The following HDAC7 variants were observed in gnomAD, a reference collection of about 807,000 sequenced individuals.
HDAC7 encodes histone deacetylase 7.
HDAC7 carries 26 observed loss-of-function variants against 115.5 expected under a neutral mutation model. That is an observed-to-expected ratio of 0.23 (90% CI 0.16 to 0.31). The LOEUF (loss-of-function observed/expected upper bound fraction) is 0.31. Among genes scored for constraint, HDAC7 ranks in the 10% least tolerant of loss-of-function variants. HDAC7 has a pLI of 1.00. For missense variants in HDAC7, 1,068 were observed against 1,329.0 expected, an observed-to-expected ratio of 0.80 and a Z score of 3.05; for synonymous variants, 564 against 550.9, an observed-to-expected ratio of 1.02 and a Z score of -0.33.
At chr12:47,789,640 T>C in intron 17 of HDAC7, 62 bp from the exon 18 acceptor site, 1 of 1,559,802 alleles carries the variant, frequency 6.4e-7, no homozygotes, top group Non-Finnish European at 8.8e-7. Flanking sequence ...TGCATGAACG[T>C]ACCCCAAGAG....
At chr12:47,791,030 A>AG (rs200299259) in intron 16 of HDAC7, 31 of 576,714 alleles carry the variant, frequency 5.4e-5, no homozygotes, top group African/African-American at 7.7e-5. Flanking sequence ...GACACCTTCT[A>AG]GGGGAAGGCT....
chr12:47,785,695 T>G (rs1006477), intron 23 of HDAC7, 57 bp downstream of exon 23: 254,594 of 1,550,406 alleles, frequency 0.16, 22,754 homozygotes, highest in Non-Finnish European at 0.19. Flanking sequence ...TGGGTAGTCC[T>G]GAGAGCCGGG....
chr12:47,792,123 A>G lies in HDAC7; in HGVS notation c.1679-119T>C, dbSNP rs964924748. On this transcript the variant is annotated intron_variant, in intron 13 of 25. Transcript: ENST00000080059. Reference sequence around the variant, plus strand: ...CCCACATGGAGCCGGGCGGGTACACACCCCTCACACCCACACAGGCCTGCA... The same window carrying G: ...CCCACATGGAGCCGGGCGGGTACACGCCCCTCACACCCACACAGGCCTGCA... The G allele has an allele frequency of 1.5e-5, 17 of 1,130,028 alleles. No homozygotes were observed. The African/African-American group carries it at 2.5e-4, about 17-fold the overall frequency. 70.0% of individuals were successfully genotyped at this position (1,130,028 alleles called of 1,614,324 possible).
At chr12:47,786,537 C>T (rs200829141) in intron 22 of HDAC7, 48 bp downstream of exon 22, 107 of 1,381,270 alleles carry the variant, frequency 7.7e-5, no homozygotes, top group Admixed American at 2.4e-4. Context: ...CTCCCCGCAC[C>T]GCCTGGCTCT....
chr12:47,802,454 T>C, intron 1 of HDAC7, 180 bp from the exon 2 acceptor site: 1 of 1,550,940 alleles, frequency 6.4e-7, no homozygotes, highest in African/African-American at 1.4e-5. Context: ...ACTCCTCCAG[T>C]CCCCCTGCTG....
chr12:47,821,150 C>T (rs147002653), upstream of HDAC7, among the ~76,000 whole-genome samples: 169 of 152,312 alleles, frequency 1.1e-3, no homozygotes, highest in African/African-American at 3.9e-3. Flanking sequence ...CTAAGAAACC[C>T]CAAGAATCCA....
chr12:47,800,547 C>A (rs75693117), intron 2 of HDAC7, among the ~76,000 whole-genome samples: 3,334 of 152,276 alleles, frequency 0.022, 145 homozygotes, highest in African/African-American at 0.077. Flanking sequence ...GGCTTTGATG[C>A]CCCACCCCTT....
In HDAC7 at chr12:47,788,002, G is replaced by A. The variant is rs761019800; in HGVS notation, c.2355+43C>T. ...ACAGAGGCAGAGTAAGTGTCAGGAG[G>A]AGGTCAATGAGGCTGGAAGATGTGG... On this transcript the variant is annotated intron_variant, in intron 20 of 25. Transcript: ENST00000080059. 32 of 1,594,938 alleles carry A rather than the reference G, an allele frequency of 2.0e-5. No homozygotes were observed. In the Admixed American group the frequency reaches 2.4e-4, roughly 12 times the overall value.
chr12:47,791,248 G>A lies in HDAC7; in HGVS notation c.1983+11C>T. ...TGGCAACGCCCCCCTGAGACCCCTG[G>A]GCACACTTACCCCAACCCCACCACA... is the stretch of plus-strand genomic sequence containing the variant. On this transcript the variant is annotated intron_variant, in intron 16 of 25. Coordinates refer to ENST00000080059, the MANE Select transcript of HDAC7 (RefSeq NM_015401.5). 6.3e-7 allele frequency: 1 copy of A among 1,596,252 alleles called. No homozygotes were observed. The highest frequency in any genetic ancestry group is 8.5e-7 in the Non-Finnish European group (1 of 1,171,632).
chr12:47,805,259 GT>G lies in HDAC7; in HGVS notation c.20-2986del, dbSNP rs1555143199. 1.3e-3 allele frequency among the ~76,000 whole-genome samples: 185 copies of G among 147,242 alleles called. No individual in the cohort carries two copies. In the Middle Eastern group the frequency reaches 0.018, roughly 14 times the overall value. On this transcript the variant is annotated intron_variant, in intron 1 of 25. Coordinates refer to ENST00000080059, the MANE Select transcript of HDAC7 (RefSeq NM_015401.5). ...TAAATTTTTTTTGTTTTGTTTTGTT[GT>G]TTTTTTTTTTGTAGAGACGAAGTCT...
At chr12:47,810,830 C>CTCTG (rs1944625568) in intron 1 of HDAC7, among the ~76,000 whole-genome samples, 2 of 96,626 alleles carry the variant, frequency 2.1e-5, no homozygotes, top group Admixed American at 1.8e-4. Flanking sequence ...CTCTCTCTCT[C>CTCTG]TCTCTCTCTC....
chr12:47,797,385 T>A lies in HDAC7; in HGVS notation c.576A>T (p.Thr192=). ...DPPEHFPLRK[T]VSEPNLKLRY... ...GGTCCGCCTGTTTGTTCAGCTCACC[T>A]GTCTTGCGCAGAGGGAAGTGCTCTG... is the stretch of plus-strand genomic sequence containing the variant. Residue 192 remains threonine (T), a splice_region_variant and synonymous_variant, in exon 6 of 26, where the codon ACA becomes ACT. Coordinates refer to ENST00000080059, the MANE Select transcript of HDAC7 (RefSeq NM_015401.5). This position sits in a 1 kb window ranked among gnomAD's most constrained non-coding sequence, Gnocchi z 5.5. The A allele has an allele frequency of 1.2e-6, 2 of 1,606,102 alleles. No homozygotes were observed. The highest frequency in any genetic ancestry group is 1.7e-6 in the Non-Finnish European group (2 of 1,175,188).
chr12:47,791,665 C>T lies in HDAC7; in HGVS notation c.1854G>A (p.Ser618=), dbSNP rs73107974. The T allele has an allele frequency of 0.015, 24,087 of 1,613,642 alleles. 243 individuals carry two copies. Among genetic ancestry groups the T allele is most frequent in the Non-Finnish European group, 0.017 (20,425 of 1,179,906 alleles). ...GRKASLEELQ[S]VHSERHVLLY... ...GGAGCACGTGCCGCTCAGAGTGGACCGACTGCAGCTCTTCCAGGGAGGCCT... is the reference window on the plus strand; with the variant it reads ...GGAGCACGTGCCGCTCAGAGTGGACTGACTGCAGCTCTTCCAGGGAGGCCT... Residue 618 remains serine (S), a synonymous_variant, in exon 15 of 26, where the codon TCG becomes TCA. Coordinates refer to ENST00000080059, the MANE Select transcript of HDAC7 (RefSeq NM_015401.5).
intron 25 of HDAC7, 81 bp downstream of exon 25, chr12:47,783,998 A>G: frequency 6.2e-7 from 1 of 1,601,450 alleles, no homozygotes; most frequent in Non-Finnish European, 8.5e-7. Flanking sequence ...GGGTGGCTGC[A>G]TAGCGGACCC....
rs542188924 is a variant in HDAC7 at position 47,809,444 on chromosome 12, T to C, written c.20-7170A>G. ...TAAGTTACAATATCAACAATAGTTA[T>C]ATTATTTTAATTAATTAATAATATT... On this transcript the variant is annotated intron_variant, in intron 1 of 25. Transcript: ENST00000080059. Among the ~76,000 whole-genome samples, 11 of 152,318 alleles carry C rather than the reference T, an allele frequency of 7.2e-5. No homozygotes were observed. In the East Asian group the frequency reaches 2.1e-3, roughly 29 times the overall value.
At position 47,819,748 on chromosome 12, in the gene HDAC7, G is replaced by C. The variant is rs1003277989; in HGVS notation, c.19+19C>G. On this transcript the variant is annotated intron_variant, in intron 1 of 25. Transcript: ENST00000080059. ...TGCCGCGCGCAGGGCGGGGCGGGGGGCGGCCGCCCAGTACTCACCAGCGCC... is the reference window on the plus strand; with the variant it reads ...TGCCGCGCGCAGGGCGGGGCGGGGGCCGGCCGCCCAGTACTCACCAGCGCC... 2.9e-5 allele frequency: 24 copies of C among 835,184 alleles called. No individual in the cohort carries two copies. The highest frequency in any genetic ancestry group is 1.1e-4 in the African/African-American group (6 of 54,360). 51.7% of individuals were successfully genotyped at this position (835,184 alleles called of 1,614,324 possible). A position where few individuals can be genotyped will look rare whatever the true frequency, so the allele number is the denominator to read the frequency against.
chr12:47,810,231 C>A (rs1386398405), intron 1 of HDAC7, among the ~76,000 whole-genome samples: 1 of 152,218 alleles, frequency 6.6e-6, no homozygotes, highest in Non-Finnish European at 1.5e-5. Context: ...CAGGCGTGAA[C>A]CACTGCGCCC....
At chr12:47,796,807 C>A (rs1458993459) in intron 7 of HDAC7, among the ~76,000 whole-genome samples, 1 of 152,190 alleles carries the variant, frequency 6.6e-6, no homozygotes, top group Non-Finnish European at 1.5e-5. Context: ...GAAGGGTGCC[C>A]CCTTTTCTGG....
intron 20 of HDAC7, 82 bp downstream of exon 20, chr12:47,787,963 C>A: frequency 6.3e-7 from 1 of 1,585,242 alleles, no homozygotes; most frequent in Non-Finnish European, 8.6e-7. Flanking sequence ...CCCAGGATCA[C>A]ACAGCTCGTC....
Sources: gnomAD v4.1 joint callset for allele counts (sites outside exome capture counted in the v4.1 genomes callset) on GRCh38, gnomAD v4.1.1 for gene constraint, Gnocchi (gnomAD v3.1) non-coding constraint, MANE v1.5 for transcripts, NCBI Gene and HGNC (gene_info 2026-07-23, HGNC 2026-07-21) for gene names.